Variants in EFNA5 observed in about 807,000 individuals in gnomAD.
EFNA5 encodes the protein ephrin A5, also known as ephrin-A5.
A neutral mutation model predicts 22.9 loss-of-function variants in EFNA5; 5 were observed. The ratio of observed to expected loss-of-function variants is 0.22; its 90% confidence interval spans 0.11 to 0.46. EFNA5 has a LOEUF of 0.46. EFNA5 is among the 20% of genes least tolerant of loss of function. The pLI is 0.99. For synonymous variants in EFNA5, 113 were observed against 112.2 expected (o/e 1.01, Z -0.04); for missense variants, 237 against 293.3 (o/e 0.81, Z 1.40).
In EFNA5 at chr5:107,552,282, C is replaced by T. The variant is rs559117803; in HGVS notation, c.125+118207G>A. On this transcript the variant is annotated intron_variant, in intron 1 of 4. Coordinates refer to ENST00000333274, the MANE Select transcript of EFNA5 (RefSeq NM_001962.3). ...AAAAGTGTTGTAAAAAATTACAGTG[C>T]CAATAACAATACTAAGAATGATAAT... 1.8e-4 allele frequency among the ~76,000 whole-genome samples: 27 copies of T among 152,158 alleles called. 1 individual carries two copies. In the South Asian group the frequency reaches 4.4e-3, roughly 25 times the overall value.
chr5:107,457,214 C>T (rs1043154053), intron 1 of EFNA5, among the ~76,000 whole-genome samples: 3 of 152,036 alleles, frequency 2.0e-5, no homozygotes, highest in African/African-American at 7.2e-5. Flanking sequence ...ATGTTTTTTG[C>T]TTTAACATTC....
chr5:107,589,534 A>G (rs749013527), intron 1 of EFNA5, among the ~76,000 whole-genome samples: 35 of 152,344 alleles, frequency 2.3e-4, no homozygotes, highest in South Asian at 6.2e-4. Context: ...TAGCATTTAA[A>G]AACTGCAGAA....
At chr5:107,574,053 G>A (rs1748872564) in intron 1 of EFNA5, among the ~76,000 whole-genome samples, 1 of 152,178 alleles carries the variant, frequency 6.6e-6, no homozygotes, top group Non-Finnish European at 1.5e-5. Flanking sequence ...ATGCACATAT[G>A]TGCAAAATAA....
intron 1 of EFNA5, among the ~76,000 whole-genome samples, chr5:107,539,782 T>A (rs1009302435): frequency 6.6e-6 from 1 of 152,142 alleles, no homozygotes; most frequent in African/African-American, 2.4e-5. Flanking sequence ...CTTAAATGGA[T>A]ACAAACCAGT....
At chr5:107,442,988 T>A (rs1749297751) in intron 1 of EFNA5, among the ~76,000 whole-genome samples, 1 of 146,030 alleles carries the variant, frequency 6.8e-6, no homozygotes, top group Non-Finnish European at 1.5e-5. Flanking sequence ...AAAAAGTACC[T>A]ACCTCAAACC....
intron 1 of EFNA5, among the ~76,000 whole-genome samples, chr5:107,533,834 A>G (rs994314885): frequency 1.3e-5 from 2 of 152,232 alleles, no homozygotes; most frequent in Non-Finnish European, 2.9e-5. Context: ...ACCAAAATGC[A>G]GTAACAAAAA....
At chr5:107,445,666 C>T (rs1273215617) in intron 1 of EFNA5, among the ~76,000 whole-genome samples, 1 of 152,132 alleles carries the variant, frequency 6.6e-6, no homozygotes, top group Admixed American at 6.5e-5. Flanking sequence ...TGGAGTTCAG[C>T]CACCCAGACC....
At chr5:107,533,383 CTA>C in intron 1 of EFNA5, among the ~76,000 whole-genome samples, 1 of 152,290 alleles carries the variant, frequency 6.6e-6, no homozygotes, top group South Asian at 2.1e-4. Context: ...GGGCTTCTTT[CTA>C]TCTCCCCCAT....
chr5:107,507,691 T>C (rs1236601052), intron 1 of EFNA5, among the ~76,000 whole-genome samples: 1 of 151,912 alleles, frequency 6.6e-6, no homozygotes, highest in Non-Finnish European at 1.5e-5. Context: ...AAAAAAAAAT[T>C]AGCTGGGCAT....
intron 1 of EFNA5, among the ~76,000 whole-genome samples, chr5:107,478,811 T>C (rs1305355223): frequency 6.6e-6 from 1 of 151,700 alleles, no homozygotes; most frequent in Non-Finnish European, 1.5e-5. Flanking sequence ...ACCATTGTCA[T>C]TAGATAGGTT....
intron 1 of EFNA5, among the ~76,000 whole-genome samples, chr5:107,522,732 G>A (rs773993573): frequency 1.3e-4 from 20 of 152,114 alleles, no homozygotes; most frequent in Non-Finnish European, 2.4e-4. Context: ...ACTACTGCAT[G>A]TTGGAGTCAA....
At chr5:107,391,215 G>A (rs1275897851) in intron 2 of EFNA5, among the ~76,000 whole-genome samples, 1 of 152,188 alleles carries the variant, frequency 6.6e-6, no homozygotes, top group Admixed American at 6.5e-5. Flanking sequence ...ATTAGGTGCT[G>A]TGCATGCGAA....
intron 1 of EFNA5, among the ~76,000 whole-genome samples, chr5:107,452,446 G>A (rs898528109): frequency 6.6e-6 from 1 of 152,084 alleles, no homozygotes; most frequent in African/African-American, 2.4e-5. Flanking sequence ...TTTATAGGCT[G>A]GGCACAATGG....
intron 1 of EFNA5, among the ~76,000 whole-genome samples, chr5:107,601,673 A>G (rs954129424): frequency 5.9e-5 from 9 of 152,352 alleles, no homozygotes; most frequent in African/African-American, 2.2e-4. Context: ...GGGTAAGTGC[A>G]GTAACTGAAC....
chr5:107,577,075 C>T (rs1748942977), intron 1 of EFNA5, among the ~76,000 whole-genome samples: 1 of 152,158 alleles, frequency 6.6e-6, no homozygotes, highest in Non-Finnish European at 1.5e-5. Context: ...GCCAACTACA[C>T]CAGTTTTTCG....
chr5:107,385,139 T>C (rs1010794220), intron 4 of EFNA5, among the ~76,000 whole-genome samples: 4 of 152,150 alleles, frequency 2.6e-5, no homozygotes, highest in Admixed American at 2.6e-4. Context: ...CAGTTATATG[T>C]CCATCAATTT....
chr5:107,490,706 CT>C (rs1180470538), intron 1 of EFNA5, among the ~76,000 whole-genome samples: 6 of 152,188 alleles, frequency 3.9e-5, no homozygotes, highest in Non-Finnish European at 7.3e-5. Flanking sequence ...GTAAAGGACA[CT>C]GATACAGGTA....
At chr5:107,657,334 A>G (rs1750848157) in intron 1 of EFNA5, among the ~76,000 whole-genome samples, 1 of 152,124 alleles carries the variant, frequency 6.6e-6, no homozygotes, top group Non-Finnish European at 1.5e-5. Context: ...GAGCCACTTA[A>G]GTTCACACAG....
chr5:107,649,718 T>C (rs1580581577), intron 1 of EFNA5, among the ~76,000 whole-genome samples: 1 of 152,180 alleles, frequency 6.6e-6, no homozygotes, highest in East Asian at 1.9e-4. Context: ...TATTTTTATA[T>C]AATAATACAG....
Sources: allele counts gnomAD v4.1 joint callset (sites outside exome capture counted in the v4.1 genomes callset), GRCh38; gene constraint gnomAD v4.1.1; transcripts MANE v1.5; gene names NCBI Gene and HGNC (gene_info 2026-07-23, HGNC 2026-07-21).